ANKDD1A: variants seen among roughly 807,000 people sequenced by gnomAD.
ANKDD1A encodes ankyrin repeat and death domain containing 1A.
In ANKDD1A, 59 loss-of-function variants were observed where a neutral mutation model predicts 63.5. The ratio of observed to expected loss-of-function variants is 0.93; its 90% CI spans 0.75 to 1.15. The LOEUF (loss-of-function observed/expected upper bound fraction) is 1.15. ANKDD1A is among the 50% of genes most tolerant of loss of function. ANKDD1A has a pLI of 0.00. For synonymous variants in ANKDD1A, 266 were observed against 263.9 expected (o/e 1.01, Z -0.08); for missense variants, 632 against 656.4 (o/e 0.96, Z 0.41).
intron 9 of ANKDD1A, among the ~76,000 whole-genome samples, chr15:64,940,630 G>A (rs1030416569): frequency 1.3e-5 from 2 of 151,710 alleles, no homozygotes; most frequent in Admixed American, 6.6e-5. Flanking sequence ...AGTAGAGATG[G>A]GGTTTCACCG....
intron 14 of ANKDD1A, among the ~76,000 whole-genome samples, chr15:64,953,875 CA>C (rs1566918038): frequency 0.54 from 70,535 of 129,922 alleles, 21,010 homozygotes; most frequent in East Asian, 0.85. Context: ...CTTTCTTCTT[CA>C]TTCTTTCTTC....
chr15:64,927,837 C>A (rs1049131143), intron 6 of ANKDD1A, among the ~76,000 whole-genome samples: 3 of 152,144 alleles, frequency 2.0e-5, no homozygotes, highest in Admixed American at 2.0e-4. Context: ...GATCTCCTGA[C>A]CTCGTGATCC....
chr15:64,927,500 T>C (rs935185897), intron 6 of ANKDD1A, among the ~76,000 whole-genome samples: 2 of 152,036 alleles, frequency 1.3e-5, no homozygotes, highest in African/African-American at 4.8e-5. Flanking sequence ...TTCACCAATC[T>C]GAGAAGGGGT....
chr15:64,936,372 A>C (rs1401222789), intron 9 of ANKDD1A, among the ~76,000 whole-genome samples: 2 of 152,152 alleles, frequency 1.3e-5, no homozygotes, highest in Non-Finnish European at 2.9e-5. Context: ...TCAAACTAAG[A>C]AGTTTTCCTG....
chr15:64,929,735 A>G (rs545610028), intron 6 of ANKDD1A, among the ~76,000 whole-genome samples: 1 of 152,166 alleles, frequency 6.6e-6, no homozygotes, highest in Non-Finnish European at 1.5e-5. Flanking sequence ...AGTGTTGGCC[A>G]TGTACCCCCG....
At chr15:64,942,647 A>G in intron 10 of ANKDD1A, 82 bp downstream of exon 10, 1 of 1,025,014 alleles carries the variant, frequency 9.8e-7, no homozygotes, top group Non-Finnish European at 1.4e-6. Context: ...GTGGTCTCCT[A>G]GCATGGCCCA....
intron 10 of ANKDD1A, 22 bp downstream of exon 10, chr15:64,942,587 C>T (rs2085193550): frequency 1.9e-6 from 3 of 1,599,682 alleles, no homozygotes; most frequent in Non-Finnish European, 2.6e-6. Flanking sequence ...CAGAGACCTT[C>T]CGGGCCCCAG....
chr15:64,944,305 C>A (rs560566796), intron 11 of ANKDD1A, among the ~76,000 whole-genome samples: 1 of 152,184 alleles, frequency 6.6e-6, no homozygotes, highest in Admixed American at 6.5e-5. Context: ...AACCCAAGCC[C>A]CCATCTCTGG....
intron 14 of ANKDD1A, among the ~76,000 whole-genome samples, chr15:64,953,835 CCTCTT>C (rs2085361044): frequency 9.6e-5 from 2 of 20,842 alleles, no homozygotes; most frequent in Admixed American, 8.8e-4. Context: ...TTTCTTCTTT[CCTCTT>C]CTTTTCTTCT....
chr15:64,953,467 TTCTTCC>T (rs1434897603), intron 14 of ANKDD1A, among the ~76,000 whole-genome samples: 6 of 94,784 alleles, frequency 6.3e-5, no homozygotes, highest in African/African-American at 1.6e-4. Context: ...CTCCTTCTTC[TTCTTCC>T]TCTTCCTTCT....
intron 14 of ANKDD1A, among the ~76,000 whole-genome samples, chr15:64,954,501 TTCC>T (rs1302766920): frequency 3.5e-5 from 5 of 140,976 alleles, no homozygotes; most frequent in African/African-American, 1.0e-4. Flanking sequence ...CTCCTTCTTC[TTCC>T]TTCTTCTCCT....
intron 2 of ANKDD1A, among the ~76,000 whole-genome samples, chr15:64,916,317 G>T (rs886918696): frequency 6.6e-6 from 1 of 151,718 alleles, no homozygotes; most frequent in Admixed American, 6.6e-5. Context: ...GTGCAGGAGG[G>T]TCGGCTTTTT....
Position 64,926,963 on chromosome 15 carries a change from C to T in ANKDD1A, c.534C>T (p.Leu178=), listed in dbSNP as rs200097861. 1.1e-4 allele frequency: 180 copies of T among 1,614,158 alleles called. No homozygotes were observed. Among genetic ancestry groups the T allele is most frequent in the Non-Finnish European group, 4.1e-5 (48 of 1,180,026 alleles). The stretch of plus-strand genomic sequence containing the variant: ...GGCAGCTGGATGCTCTGGACTTCCT[C>T]GTGGGCTCTGGCTGTGACCACAATG... The part of the protein sequence containing the change: ...EHGQLDALDF[L]VGSGCDHNVK... Residue 178 remains leucine (L), a synonymous_variant, in exon 6 of 15, where the codon CTC becomes CTT. Transcript: ENST00000319580.
chr15:64,914,400 G>GCCTTA (rs1440341255), intron 1 of ANKDD1A, among the ~76,000 whole-genome samples: 29 of 152,222 alleles, frequency 1.9e-4, no homozygotes, highest in Non-Finnish European at 2.2e-4. Context: ...CAAGCCTCTT[G>GCCTTA]CCTTAGCTTC....
At chr15:64,952,327 T>TC (rs2140387976) in intron 14 of ANKDD1A, among the ~76,000 whole-genome samples, 1 of 36,492 alleles carries the variant, frequency 2.7e-5, no homozygotes, top group South Asian at 1.3e-3. Flanking sequence ...CTTTCTTCCT[T>TC]CTTCCTTCTC....
intron 14 of ANKDD1A, among the ~76,000 whole-genome samples, chr15:64,952,381 CCTT>C (rs138652963): frequency 0.84 from 121,233 of 144,030 alleles, 53,258 homozygotes; most frequent in East Asian, 0.99. Context: ...CTTCCTCTTT[CCTT>C]CTTTTCTTCT....
intron 13 of ANKDD1A, among the ~76,000 whole-genome samples, chr15:64,949,092 G>A (rs1219828383): frequency 1.3e-5 from 2 of 152,250 alleles, no homozygotes; most frequent in Admixed American, 6.5e-5. Flanking sequence ...GGCACGGAAG[G>A]TCAGAGGGGC....
At position 64,952,959 on chromosome 15, in the gene ANKDD1A, C is replaced by CCCT. The variant is rs1322153113; in HGVS notation, c.1483+2987_1483+2988insCCT. Among the ~76,000 whole-genome samples, 1,014 of 121,536 alleles carry CCCT rather than the reference C, an allele frequency of 8.3e-3. 48 individuals carry two copies. In the South Asian group the frequency reaches 0.17, roughly 20 times the overall value. The allele number at this position is 121,536 out of a possible 152,430, so 79.7% of individuals were successfully genotyped here. On this transcript the variant is annotated intron_variant, in intron 14 of 14. Transcript: ENST00000319580. ...TTCCTCTTCTTCCTTCTCTTTCTTC[C>CCCT]TCTTCTTCTTTTCTTCTTGTCTCTC... is the stretch of plus-strand genomic sequence containing the variant.
intron 9 of ANKDD1A, among the ~76,000 whole-genome samples, chr15:64,941,291 T>G (rs1401259934): frequency 6.6e-5 from 10 of 152,194 alleles, no homozygotes; most frequent in Admixed American, 6.5e-4. Flanking sequence ...GGGGGAGCGG[T>G]GTCCTAGTCC....
Sources: allele counts gnomAD v4.1 joint callset (sites outside exome capture counted in the v4.1 genomes callset), GRCh38; gene constraint gnomAD v4.1.1; transcripts MANE v1.5; gene names NCBI Gene and HGNC (gene_info 2026-07-23, HGNC 2026-07-21).